Variants in ADGRL2 observed in about 807,000 individuals in gnomAD.
ADGRL2 encodes the protein adhesion G protein-coupled receptor L2.
In ADGRL2, 44 loss-of-function variants were observed where a neutral mutation model predicts 157.4. The ratio of observed to expected loss-of-function variants is 0.28; its 90% CI spans 0.22 to 0.36. The LOEUF (loss-of-function observed/expected upper bound fraction) is 0.36. Among genes scored for constraint, ADGRL2 ranks in the 10% least tolerant of loss-of-function variants. The probability of loss-of-function intolerance (pLI) is 1.00; values close to 1 mark genes in which losing one functional copy is unlikely to be tolerated. For synonymous variants in ADGRL2, 585 were observed against 624.7 expected, an observed-to-expected ratio of 0.94 and a Z score of 0.95; for missense variants, 1,510 against 1,768.9, an observed-to-expected ratio of 0.85 and a Z score of 2.63.
At chr1:81,644,524 T>G (rs1353225407) in intron 3 of ADGRL2, among the ~76,000 whole-genome samples, 1 of 151,998 alleles carries the variant, frequency 6.6e-6, no homozygotes, top group South Asian at 2.1e-4. Context: ...AATTCAACAA[T>G]AAGAACACAA....
chr1:81,640,213 C>T (rs1024006572), intron 3 of ADGRL2, among the ~76,000 whole-genome samples: 1 of 152,070 alleles, frequency 6.6e-6, no homozygotes, highest in Non-Finnish European at 1.5e-5. Context: ...AATGAGGAGG[C>T]CACCATTGCC....
At chr1:81,904,645 C>T (rs1209277236) in intron 2 of ADGRL2, among the ~76,000 whole-genome samples, 1 of 152,176 alleles carries the variant, frequency 6.6e-6, no homozygotes, top group Non-Finnish European at 1.5e-5. Flanking sequence ...CACAGTGGCT[C>T]ATGCCTGTAA....
intron 2 of ADGRL2, among the ~76,000 whole-genome samples, chr1:81,516,830 G>C (rs188801327): frequency 6.6e-6 from 1 of 151,958 alleles, no homozygotes; most frequent in Admixed American, 6.6e-5. Flanking sequence ...CTAACTTTAT[G>C]ACTTCAAGCA....
At chr1:81,970,188 A>C (rs982521344) in intron 15 of ADGRL2, 126 bp from the exon 16 acceptor site, 6 of 706,354 alleles carry the variant, frequency 8.5e-6, no homozygotes, top group African/African-American at 7.3e-5. Flanking sequence ...AGGAAGCATT[A>C]GTTTACTCTG....
Position 81,517,689 on chromosome 1 carries a change from C to T in ADGRL2, c.-247-63187C>T, listed in dbSNP as rs554690865. ...ACTGTGAATATCTCATTGGTGACTG[C>T]CACCCCTCACTGCAAGGAAGAGATG... On this transcript the variant is annotated intron_variant, in intron 2 of 24. Transcript: ENST00000370721. Among the ~76,000 whole-genome samples, 56 of 152,204 alleles carry T rather than the reference C, an allele frequency of 3.7e-4. No individual in the cohort carries two copies. In the South Asian group the frequency reaches 0.011, roughly 30 times the overall value.
chr1:81,725,618 A>C (rs2084497373), intron 1 of ADGRL2, among the ~76,000 whole-genome samples: 1 of 152,134 alleles, frequency 6.6e-6, no homozygotes, highest in Non-Finnish European at 1.5e-5. Flanking sequence ...CTCCTTTCTC[A>C]AAATTGCCAA....
At chr1:81,919,780 CTG>C (rs977488209) in intron 3 of ADGRL2, among the ~76,000 whole-genome samples, 14 of 152,076 alleles carry the variant, frequency 9.2e-5, no homozygotes, top group Admixed American at 3.3e-4. Flanking sequence ...GTGAATGAGA[CTG>C]TACCTTTGAA....
At position 81,407,427 on chromosome 1, in the gene ADGRL2, C is replaced by A. The variant is rs76802570; in HGVS notation, c.-301-37609C>A. On this transcript the variant is annotated intron_variant, in intron 1 of 24. Transcript: ENST00000370721. ...ACCCAATTCCATCCTGAAAGAGGCT[C>A]TGATGTATGGTGTATAATGAAAGCT... Among the ~76,000 whole-genome samples, 663 of 152,332 alleles carry A rather than the reference C, an allele frequency of 4.4e-3. 7 individuals are homozygous for A. The highest frequency in any genetic ancestry group is 0.015 in the African/African-American group (610 of 41,564).
At chr1:81,405,688 A>G (rs2076841524) in intron 1 of ADGRL2, among the ~76,000 whole-genome samples, 1 of 151,924 alleles carries the variant, frequency 6.6e-6, no homozygotes, top group Non-Finnish European at 1.5e-5. Context: ...TGAACAAAAT[A>G]TCTCACATTT....
chr1:81,465,657 G>A (rs61623602), intron 2 of ADGRL2, among the ~76,000 whole-genome samples: 1,552 of 152,234 alleles, frequency 0.01, 29 homozygotes, highest in East Asian at 0.066. Flanking sequence ...ACGTCCCTAT[G>A]ATGGTATTTA....
At chr1:81,478,841 G>GT (rs538284372) in intron 2 of ADGRL2, among the ~76,000 whole-genome samples, 171 of 148,348 alleles carry the variant, frequency 1.2e-3, no homozygotes, top group African/African-American at 3.0e-3. Flanking sequence ...ATTTATTTGA[G>GT]TTTTTTTTTT....
intron 3 of ADGRL2, among the ~76,000 whole-genome samples, chr1:81,684,356 G>A (rs915996108): frequency 2.0e-5 from 3 of 152,110 alleles, no homozygotes; most frequent in African/African-American, 7.2e-5. Context: ...TCACATTGTG[G>A]TTTTGATTTG....
chr1:81,704,216 T>C (rs376186281), intron 1 of ADGRL2, among the ~76,000 whole-genome samples: 23 of 152,370 alleles, frequency 1.5e-4, no homozygotes, highest in African/African-American at 5.5e-4. Context: ...ATCTAATACC[T>C]GTGCATTACT....
At chr1:81,627,857 TGCCACA>T (rs1315843653) in intron 3 of ADGRL2, among the ~76,000 whole-genome samples, 1 of 152,192 alleles carries the variant, frequency 6.6e-6, no homozygotes, top group African/African-American at 2.4e-5. Flanking sequence ...CAGCACAAGA[TGCCACA>T]GCCTGGCCAT....
intron 2 of ADGRL2, among the ~76,000 whole-genome samples, chr1:81,450,808 T>C (rs1382535885): frequency 6.6e-6 from 1 of 152,130 alleles, no homozygotes; most frequent in Non-Finnish European, 1.5e-5. Context: ...ATGTGCTTTT[T>C]CTGGAAAGTA....
intron 3 of ADGRL2, among the ~76,000 whole-genome samples, chr1:81,925,317 T>A (rs2095078657): frequency 6.6e-6 from 1 of 152,064 alleles, no homozygotes; most frequent in African/African-American, 2.4e-5. Flanking sequence ...TCTTTTTTAT[T>A]CCCTTCTACA....
intron 1 of ADGRL2, among the ~76,000 whole-genome samples, chr1:81,718,272 C>T (rs2084182856): frequency 1.3e-5 from 2 of 152,168 alleles, no homozygotes; most frequent in African/African-American, 4.8e-5. Flanking sequence ...CCTGCCTCGG[C>T]CTCCCAAAGT....
rs201196564 is a variant in ADGRL2, at chr1:81,354,667, T to C, written c.-302+48158T>C. Reference sequence around the variant, plus strand: ...TCGTTTTCCTGTACTCATGCATTCATGTGTGCCGCTTTCATAGAATGTATT... The same window carrying C: ...TCGTTTTCCTGTACTCATGCATTCACGTGTGCCGCTTTCATAGAATGTATT... On this transcript the variant is annotated intron_variant, in intron 1 of 24. Coordinates refer to the ADGRL2 transcript ENST00000370721. 5.3e-5 allele frequency among the ~76,000 whole-genome samples: 8 copies of C among 152,316 alleles called. No individual in the cohort carries two copies. In the East Asian group the frequency reaches 9.7e-4, roughly 18 times the overall value.
At chr1:81,665,414 C>T (rs2082732801) in intron 3 of ADGRL2, among the ~76,000 whole-genome samples, 2 of 152,084 alleles carry the variant, frequency 1.3e-5, no homozygotes, top group Non-Finnish European at 1.5e-5. Context: ...AACTGAGATA[C>T]ATTTCATTTC....
Sources: allele counts gnomAD v4.1 joint callset (sites outside exome capture counted in the v4.1 genomes callset), GRCh38; gene constraint gnomAD v4.1.1; transcripts MANE v1.5; gene names NCBI Gene and HGNC (gene_info 2026-07-23, HGNC 2026-07-21).